Variants in SLC35F3 observed in about 807,000 individuals in gnomAD.
SLC35F3 encodes putative thiamine transporter SLC35F3.
SLC35F3 carries 25 observed loss-of-function variants against 49.9 expected under a neutral mutation model. That is an observed-to-expected ratio of 0.50 (90% CI 0.37 to 0.70). The LOEUF is 0.70. Ranked by LOEUF, SLC35F3 falls within the 30% of genes least tolerant of loss-of-function variation. SLC35F3 has a pLI of 0.00. For missense variants in SLC35F3, 525 were observed against 639.8 expected (o/e 0.82, Z 1.94); for synonymous variants, 275 against 265.4 (o/e 1.04, Z -0.35).
chr1:233,940,055 C>T (rs1662395935), intron 2 of SLC35F3, among the ~76,000 whole-genome samples: 1 of 152,050 alleles, frequency 6.6e-6, no homozygotes, highest in South Asian at 2.1e-4. Context: ...TTGGGATGAG[C>T]CTAATTAATT....
In SLC35F3 at chr1:234,231,922, A is replaced by G. The variant is rs1033399912; in HGVS notation, c.608+181A>G. 2.0e-5 allele frequency among the ~76,000 whole-genome samples: 3 copies of G among 152,178 alleles called. No individual in the cohort carries two copies. Among genetic ancestry groups the G allele is most frequent in the African/African-American group, 7.2e-5 (3 of 41,434 alleles). ...GAGCAGAATTCTGTCTACCCTGGGT[A>G]GTGAACGCCTCCTTCCTCTACCTCC... On this transcript the variant is annotated intron_variant, in intron 3 of 7. Coordinates refer to ENST00000366618, the MANE Select transcript of SLC35F3 (RefSeq NM_173508.4). This position sits in a 1 kb window ranked among gnomAD's most constrained non-coding sequence, Gnocchi z 5.4.
At chr1:233,992,734 C>T (rs140576355) in intron 2 of SLC35F3, among the ~76,000 whole-genome samples, 1 of 152,190 alleles carries the variant, frequency 6.6e-6, no homozygotes, top group East Asian at 1.9e-4. Context: ...GTTAACAATC[C>T]AAATATACAA....
chr1:234,191,583 GAA>G (rs1666730630), intron 2 of SLC35F3, among the ~76,000 whole-genome samples: 1 of 151,342 alleles, frequency 6.6e-6, no homozygotes. Context: ...CAGAAGAAGA[GAA>G]ATAACCCAGA....
chr1:234,015,443 A>G (rs1439552355), intron 2 of SLC35F3, among the ~76,000 whole-genome samples: 1 of 152,150 alleles, frequency 6.6e-6, no homozygotes, highest in South Asian at 2.1e-4. Flanking sequence ...ACAGTGTGAT[A>G]CTGGCATAAA....
intron 2 of SLC35F3, among the ~76,000 whole-genome samples, chr1:233,955,878 CT>C (rs869035917): frequency 0.014 from 674 of 48,112 alleles, 1 homozygote; most frequent in East Asian, 0.051. Context: ...GTGTGGGTAT[CT>C]TTTTTTTTTT....
At chr1:234,074,621 G>A (rs1664767878) in intron 2 of SLC35F3, among the ~76,000 whole-genome samples, 1 of 152,142 alleles carries the variant, frequency 6.6e-6, no homozygotes, top group Non-Finnish European at 1.5e-5. Context: ...AGCTCAAGCG[G>A]AATTTTAAAG....
intron 2 of SLC35F3, among the ~76,000 whole-genome samples, chr1:233,954,594 A>G (rs538244557): frequency 6.6e-6 from 1 of 152,208 alleles, no homozygotes; most frequent in Admixed American, 6.5e-5. Context: ...GGACAATGAA[A>G]TATATACAGA....
At chr1:233,972,622 G>T (rs186377546) in intron 2 of SLC35F3, among the ~76,000 whole-genome samples, 1 of 151,994 alleles carries the variant, frequency 6.6e-6, no homozygotes, top group Non-Finnish European at 1.5e-5. Flanking sequence ...GGCACATGGC[G>T]AGCCTGGTAA....
intron 2 of SLC35F3, among the ~76,000 whole-genome samples, chr1:234,012,761 A>G (rs1371630514): frequency 1.3e-5 from 2 of 152,202 alleles, no homozygotes; most frequent in African/African-American, 4.8e-5. Flanking sequence ...GGAATTTCTT[A>G]TGTCTTCCCT....
intron 2 of SLC35F3, among the ~76,000 whole-genome samples, chr1:233,953,589 G>A (rs1470428205): frequency 1.3e-5 from 2 of 152,224 alleles, no homozygotes; most frequent in Non-Finnish European, 2.9e-5. Flanking sequence ...GCCACCCTGT[G>A]GAGGAGATGG....
chr1:233,988,794 T>C (rs1266146459), intron 2 of SLC35F3, among the ~76,000 whole-genome samples: 1 of 152,200 alleles, frequency 6.6e-6, no homozygotes, highest in African/African-American at 2.4e-5. Flanking sequence ...TCCAGAGAAT[T>C]GTAAAACTTC....
chr1:234,295,967 G>A (rs1054430281), intron 3 of SLC35F3, among the ~76,000 whole-genome samples: 1 of 152,202 alleles, frequency 6.6e-6, no homozygotes, highest in Non-Finnish European at 1.5e-5. Context: ...AATGCTGTTG[G>A]ATCATGTGTT....
At chr1:233,912,062 G>A (rs1661882997) in intron 2 of SLC35F3, among the ~76,000 whole-genome samples, 1 of 152,180 alleles carries the variant, frequency 6.6e-6, no homozygotes, top group African/African-American at 2.4e-5. Context: ...ACTGTAAGCT[G>A]TTAGGGATGC....
At chr1:233,924,407 T>C (rs972749393) in intron 2 of SLC35F3, among the ~76,000 whole-genome samples, 2 of 152,256 alleles carry the variant, frequency 1.3e-5, no homozygotes, top group Admixed American at 6.5e-5. Flanking sequence ...ATCAATTTCT[T>C]CTAGATTTTC....
chr1:234,059,616 C>CTAGACATAGACA (rs55704046), intron 2 of SLC35F3, among the ~76,000 whole-genome samples: 186 of 135,354 alleles, frequency 1.4e-3, no homozygotes, highest in Middle Eastern at 7.5e-3. Context: ...TAGACATAGA[C>CTAGACATAGACA]TAGACATAGA....
chr1:234,323,357 C>G lies in SLC35F3; in HGVS notation c.*114C>G. ...CAGTTTTGGTCATCTGCGGTAAGTT[C>G]TATGGTATTTATTGGCATGTCCAAT... On this transcript the variant is annotated 3_prime_UTR_variant, in exon 8 of 8. Transcript: ENST00000366618. The surrounding 1 kb of genome is among the most constrained non-coding windows in gnomAD (Gnocchi z 4.5). 1 of 855,158 alleles carries G rather than the reference C, an allele frequency of 1.2e-6. No individual in the cohort carries two copies. Among genetic ancestry groups the G allele is most frequent in the East Asian group, 2.7e-5 (1 of 37,436 alleles). The allele number at this position is 855,158 out of a possible 1,614,324, so 53.0% of individuals were successfully genotyped here.
At position 234,222,775 on chromosome 1, in the gene SLC35F3, A is replaced by T. The variant is rs1467051519; in HGVS notation, c.284-8642A>T. Among the ~76,000 whole-genome samples the T allele has an allele frequency of 2.0e-5, 3 of 152,248 alleles. No individual in the cohort carries two copies. In the East Asian group the frequency reaches 5.8e-4, roughly 29 times the overall value. On this transcript the variant is annotated intron_variant, in intron 2 of 7. Coordinates refer to ENST00000366618, the MANE Select transcript of SLC35F3 (RefSeq NM_173508.4). ...TTTCAGTCCACATAGAAGCCAAAGA[A>T]TCTGGAGATGCTAACAATCTGATGA...
chr1:233,994,918 AT>A (rs1210309135), intron 2 of SLC35F3, among the ~76,000 whole-genome samples: 3 of 152,180 alleles, frequency 2.0e-5, no homozygotes, highest in African/African-American at 7.2e-5. Flanking sequence ...AAGAACACAG[AT>A]TCTGGAGATA....
intron 2 of SLC35F3, among the ~76,000 whole-genome samples, chr1:233,918,686 G>C (rs1198901711): frequency 6.6e-6 from 1 of 152,048 alleles, no homozygotes; most frequent in Admixed American, 6.6e-5. Flanking sequence ...AGAAGTGCTT[G>C]AGCCTGGGAG....
Sources: allele counts gnomAD v4.1 joint callset (sites outside exome capture counted in the v4.1 genomes callset), GRCh38; gene constraint gnomAD v4.1.1; non-coding constraint Gnocchi (gnomAD v3.1); transcripts MANE v1.5; gene names NCBI Gene and HGNC (gene_info 2026-07-23, HGNC 2026-07-21).